The following DMD variants were observed in gnomAD, a reference collection of about 807,000 sequenced individuals.
The protein encoded by DMD is mutant dystrophin.
In DMD, 63 loss-of-function variants were observed where a neutral mutation model predicts 330.1. That is an observed-to-expected ratio of 0.19 (90% CI 0.16 to 0.24). The LOEUF (loss-of-function observed/expected upper bound fraction) is 0.24, where lower values mean the gene tolerates loss of function less well. Among genes scored for constraint, DMD ranks in the 10% least tolerant of loss-of-function variants. The pLI is 1.00. For synonymous variants in DMD, 1,223 were observed against 959.8 expected (o/e 1.27, Z -5.07); for missense variants, 3,344 against 2,684.1 (o/e 1.25, Z -5.43).
intron 7 of DMD, among the ~76,000 whole-genome samples, chrX:32,750,126 T>C (rs1226513316): frequency 1.8e-5 from 2 of 112,201 alleles, no homozygotes; most frequent in African/African-American, 6.5e-5. Flanking sequence ...ATTTACAACA[T>C]TAAGAATAAA....
intron 13 of DMD, among the ~76,000 whole-genome samples, chrX:32,585,249 A>G (rs2054099349): frequency 8.9e-6 from 1 of 111,780 alleles, no homozygotes; most frequent in South Asian, 3.7e-4. Flanking sequence ...TAGAAGGAAT[A>G]AGTTCTAATG....
chrX:31,920,211 G>A (rs974133453), intron 47 of DMD, among the ~76,000 whole-genome samples: 2 of 112,291 alleles, frequency 1.8e-5, no homozygotes, highest in Non-Finnish European at 3.8e-5. Flanking sequence ...CTTGATGTAT[G>A]AGTATAAAGA....
In DMD at chrX:32,783,360, A is replaced by G. The variant is rs868077789; in HGVS notation, c.649+26133T>C. ...ATATACACATATATGGTATATATAT[A>G]CACACATATATATACACATATATAC... On this transcript the variant is annotated intron_variant, in intron 7 of 78. Transcript: ENST00000357033. Among the ~76,000 whole-genome samples the G allele has an allele frequency of 3.8e-5, 4 of 105,041 alleles. No individual in the cohort carries two copies. In the South Asian group the frequency reaches 1.2e-3, roughly 32 times the overall value. The allele number at this position is 105,041 out of a possible 115,157, so 91.2% of individuals were successfully genotyped here.
At chrX:32,494,959 A>G (rs1164250149) in intron 19 of DMD, among the ~76,000 whole-genome samples, 1 of 111,452 alleles carries the variant, frequency 9.0e-6, no homozygotes, top group Admixed American at 9.6e-5. Flanking sequence ...TGGGCAACAG[A>G]GCAAGAGCCT....
At chrX:32,526,373 C>T (rs2046939636) in intron 17 of DMD, among the ~76,000 whole-genome samples, 1 of 111,315 alleles carries the variant, frequency 9.0e-6, no homozygotes, top group Admixed American at 9.5e-5. Context: ...TCAGAAACCC[C>T]TGAAATTAAA....
At chrX:32,687,816 C>T (rs1196051638) in intron 9 of DMD, among the ~76,000 whole-genome samples, 1 of 111,034 alleles carries the variant, frequency 9.0e-6, no homozygotes, top group East Asian at 2.8e-4. Context: ...GCAATAGTTA[C>T]TGGTGAACAA....
At chrX:33,252,521 T>C (rs2052787233) in intron 1 of DMD, among the ~76,000 whole-genome samples, 1 of 110,563 alleles carries the variant, frequency 9.0e-6, no homozygotes, top group East Asian at 2.8e-4. Flanking sequence ...TAAAACTTGA[T>C]GTTCTACATT....
chrX:31,789,222 T>C (rs2091456081), intron 50 of DMD, among the ~76,000 whole-genome samples: 1 of 111,822 alleles, frequency 8.9e-6, no homozygotes. Flanking sequence ...TTTGATTCCT[T>C]ACTTTTTACC....
chrX:31,541,776 T>C (rs933439510), intron 55 of DMD, among the ~76,000 whole-genome samples: 9 of 110,572 alleles, frequency 8.1e-5, no homozygotes, highest in Non-Finnish European at 1.7e-4. Flanking sequence ...TTTGCTACTG[T>C]AAATAGTGCC....
intron 44 of DMD, chrX:32,205,871 C>T: frequency 3.3e-6 from 1 of 302,731 alleles, no homozygotes; most frequent in Non-Finnish European, 6.0e-6. Context: ...CCTTCTCTCC[C>T]ACCTAAGTGC....
chrX:32,953,992 T>A (rs762275225), intron 2 of DMD, among the ~76,000 whole-genome samples: 3 of 112,162 alleles, frequency 2.7e-5, no homozygotes, highest in African/African-American at 9.7e-5. Context: ...GTTTGCTCCA[T>A]ACAAAGGCAT....
intron 43 of DMD, among the ~76,000 whole-genome samples, chrX:32,282,924 A>G (rs1267122260): frequency 1.8e-5 from 2 of 112,269 alleles, no homozygotes; most frequent in Non-Finnish European, 3.8e-5. Context: ...TTCAGCAAAT[A>G]TTAACATCTC....
chrX:32,783,113 C>A (rs1241016477), intron 7 of DMD, among the ~76,000 whole-genome samples: 3 of 100,018 alleles, frequency 3.0e-5, no homozygotes, highest in Non-Finnish European at 4.0e-5. Flanking sequence ...TATACACACA[C>A]ACCATATGTA....
At chrX:32,759,865 GA>G (rs1569512123) in intron 7 of DMD, among the ~76,000 whole-genome samples, 2 of 75,751 alleles carry the variant, frequency 2.6e-5, no homozygotes, top group African/African-American at 5.3e-5. Context: ...GGGGGCGGGG[GA>G]AGACCCAGGC....
At chrX:32,132,158 T>C (rs1042433355) in intron 44 of DMD, among the ~76,000 whole-genome samples, 3 of 111,919 alleles carry the variant, frequency 2.7e-5, no homozygotes, top group Admixed American at 9.5e-5. Flanking sequence ...TTAATAGATA[T>C]AATGCTTACC....
chrX:31,369,209 C>G (rs2059417739), intron 60 of DMD, among the ~76,000 whole-genome samples: 3 of 112,439 alleles, frequency 2.7e-5, no homozygotes, highest in Non-Finnish European at 1.9e-5. Flanking sequence ...AATCTGATAA[C>G]AAGATTTGTT....
intron 1 of DMD, among the ~76,000 whole-genome samples, chrX:33,123,526 C>A (rs1374430668): frequency 9.1e-6 from 1 of 110,306 alleles, no homozygotes; most frequent in Admixed American, 9.7e-5. Flanking sequence ...AAGCAATTCT[C>A]CTGCCTCAGC....
intron 12 of DMD, among the ~76,000 whole-genome samples, chrX:32,605,885 T>C (rs111709569): frequency 0.024 from 2,618 of 109,964 alleles, 76 homozygotes; most frequent in African/African-American, 0.081. Flanking sequence ...ATTTGTTTTT[T>C]TCAATGTCAT....
chrX:31,283,930 A>G (rs1213715169), intron 62 of DMD, among the ~76,000 whole-genome samples: 1 of 111,684 alleles, frequency 9.0e-6, no homozygotes, highest in Non-Finnish European at 1.9e-5. Flanking sequence ...TTCAACTTAC[A>G]ATGAGGTTAT....
Sources: allele counts gnomAD v4.1 joint callset (sites outside exome capture counted in the v4.1 genomes callset), GRCh38; gene constraint gnomAD v4.1.1; transcripts MANE v1.5; gene names NCBI Gene and HGNC (gene_info 2026-07-23, HGNC 2026-07-21).